Variants in SRRM3 observed in about 807,000 individuals in gnomAD.
SRRM3 encodes serine/arginine repetitive matrix 3.
In SRRM3, 27 loss-of-function variants were observed where a neutral mutation model predicts 66.2. The observed-to-expected ratio is 0.41, with a 90% CI of 0.30 to 0.56. SRRM3 has a LOEUF of 0.56. Ranked by LOEUF, SRRM3 falls within the 20% of genes least tolerant of loss-of-function variation. The pLI, the probability that SRRM3 is intolerant of heterozygous loss-of-function variation, is 0.32. For synonymous variants in SRRM3, 391 were observed against 414.9 expected, an observed-to-expected ratio of 0.94 and a Z score of 0.70; for missense variants, 918 against 991.9, an observed-to-expected ratio of 0.93 and a Z score of 1.00.
chr7:76,264,659 G>C (rs2117068610), intron 8 of SRRM3, 106 bp from the exon 9 acceptor site: 2 of 1,213,656 alleles, frequency 1.6e-6, no homozygotes, highest in East Asian at 2.4e-5. Context: ...TTAGGCCCTA[G>C]AGTGGAACAA....
At chr7:76,215,443 C>T (rs983424743) in intron 1 of SRRM3, among the ~76,000 whole-genome samples, 1 of 141,696 alleles carries the variant, frequency 7.1e-6, no homozygotes, top group African/African-American at 2.7e-5. Flanking sequence ...GCTCTGTTGC[C>T]CAGAATGGAG....
At chr7:76,232,424 T>C (rs1191656465) in intron 1 of SRRM3, among the ~76,000 whole-genome samples, 1 of 151,888 alleles carries the variant, frequency 6.6e-6, no homozygotes, top group Non-Finnish European at 1.5e-5. Context: ...ATACAAAAAT[T>C]AGCCGGGCAA....
At chr7:76,216,139 A>C (rs111831719) in intron 1 of SRRM3, among the ~76,000 whole-genome samples, 29,030 of 148,820 alleles carry the variant, frequency 0.2, 3,075 homozygotes, top group East Asian at 0.32. Context: ...ATTTTAGTAG[A>C]GATGGGGATT....
intron 11 of SRRM3, 195 bp downstream of exon 11, chr7:76,267,630 A>G: frequency 2.2e-6 from 1 of 456,962 alleles, no homozygotes; most frequent in Non-Finnish European, 3.6e-6. Context: ...CGTTGCGCCC[A>G]CCTGGCCCTG....
intron 1 of SRRM3, among the ~76,000 whole-genome samples, chr7:76,209,055 C>A (rs1800368994): frequency 6.6e-6 from 1 of 152,160 alleles, no homozygotes; most frequent in Non-Finnish European, 1.5e-5. Flanking sequence ...GCTATGATTG[C>A]ACCACTATAC....
At chr7:76,203,010 G>C (rs1800197598) in intron 1 of SRRM3, among the ~76,000 whole-genome samples, 1 of 152,342 alleles carries the variant, frequency 6.6e-6, no homozygotes, top group South Asian at 2.1e-4. Context: ...GGGGGCTTGA[G>C]CTGGTCTTTT....
In SRRM3 at chr7:76,259,946, G is replaced by A; in HGVS notation, c.376G>A (p.Gly126Ser). 3 of 1,602,016 alleles carry A rather than the reference G, an allele frequency of 1.9e-6. No individual in the cohort carries two copies. Reference protein sequence around the residue: ...TPRLTEGAEPGLEYAPFDDDD... With the variant: ...TPRLTEGAEPSLEYAPFDDDD... Reference sequence around the variant, plus strand: ...GCGGCTGACCGAGGGCGCTGAGCCGGGCCTGGAGTACGCGCCCTTTGACGA... The same window carrying A: ...GCGGCTGACCGAGGGCGCTGAGCCGAGCCTGGAGTACGCGCCCTTTGACGA... The change falls in exon 4 of 15, where the codon GGC (glycine) becomes AGC (serine). Residue 126 changes from glycine to serine, a missense_variant. Transcript: ENST00000611745.
intron 10 of SRRM3, among the ~76,000 whole-genome samples, chr7:76,265,846 A>ATTTT (rs1554609504): frequency 2.4e-4 from 2 of 8,432 alleles, no homozygotes; most frequent in African/African-American, 1.9e-3. Flanking sequence ...ATATATATAT[A>ATTTT]TATATATATA....
chr7:76,245,439 A>G (rs1563623024), intron 2 of SRRM3, among the ~76,000 whole-genome samples: 3 of 152,180 alleles, frequency 2.0e-5, no homozygotes, highest in Non-Finnish European at 4.4e-5. Context: ...ATTTTTTAAA[A>G]TAATTTTTTA....
At position 76,265,994 on chromosome 7, in the gene SRRM3, A is replaced by G. The variant is rs1212283565; in HGVS notation, c.830+526A>G. Among the ~76,000 whole-genome samples, 127 of 72,120 alleles carry G rather than the reference A, an allele frequency of 1.8e-3. 11 individuals carry two copies. Among genetic ancestry groups the G allele is most frequent in the Non-Finnish European group, 2.2e-3 (104 of 48,018 alleles). 47.3% of individuals were successfully genotyped at this position (72,120 alleles called of 152,430 possible). Reference sequence around the variant, plus strand: ...CGCTATTCTCCTGCCTCAGCCTCCCAAGTAGCTGGGACTACAGGCGCCCGC... The same window carrying G: ...CGCTATTCTCCTGCCTCAGCCTCCCGAGTAGCTGGGACTACAGGCGCCCGC... On this transcript the variant is annotated intron_variant, in intron 10 of 14. Transcript: ENST00000611745.
intron 14 of SRRM3, chr7:76,283,780 A>C: frequency 1.0e-6 from 1 of 985,426 alleles, no homozygotes; most frequent in African/African-American, 1.7e-5. Flanking sequence ...TGGCTGGTGA[A>C]GCCATTATCA....
chr7:76,275,797 G>A (rs566244317), intron 11 of SRRM3, among the ~76,000 whole-genome samples: 7 of 152,260 alleles, frequency 4.6e-5, no homozygotes, highest in African/African-American at 1.7e-4. Flanking sequence ...CCCAAAGGTT[G>A]GGCCCAGTGG....
In SRRM3 at chr7:76,261,392, G is replaced by T. The variant is rs782735648; in HGVS notation, c.616G>T (p.Val206Leu). 1.8e-5 allele frequency: 29 copies of T among 1,604,938 alleles called. No individual in the cohort carries two copies. The Middle Eastern group carries it at 9.9e-4, about 55-fold the overall frequency. Residue 206 changes from valine to leucine, a missense_variant, in exon 7 of 15, where the codon GTG becomes TTG. Physicochemically the swap from Val to Leu is conservative, Grantham distance 32 (BLOSUM62 1). Coordinates refer to ENST00000611745, the MANE Select transcript of SRRM3 (RefSeq NM_001110199.3). The stretch of plus-strand genomic sequence containing the variant: ...ACCCCTCCGCAAGAAGAAGAAGAGT[G>T]TGAAGAAGCATCGCCGAGACAGGTA... ...SSPLRKKKKS[V>L]KKHRRDRSDS...
At chr7:76,260,335 G>A (rs10257114) in intron 5 of SRRM3, 138 bp downstream of exon 5, 1 of 513,124 alleles carries the variant, frequency 1.9e-6, no homozygotes, top group Non-Finnish European at 2.8e-6. Context: ...TCCCCGTGCC[G>A]TCCCCCGACT....
chr7:76,270,581 G>A (rs782670611), intron 11 of SRRM3, among the ~76,000 whole-genome samples: 29 of 152,104 alleles, frequency 1.9e-4, no homozygotes, highest in Non-Finnish European at 3.1e-4. Context: ...GGAGGCTGAG[G>A]TGGGCAGATC....
chr7:76,257,478 T>C (rs921630163), intron 3 of SRRM3, among the ~76,000 whole-genome samples: 24 of 144,502 alleles, frequency 1.7e-4, no homozygotes, highest in Admixed American at 4.9e-4. Context: ...AGGCCAGGCA[T>C]GGTGGCTCAC....
At chr7:76,264,732 C>G in intron 8 of SRRM3, 33 bp from the exon 9 acceptor site, 1 of 1,612,904 alleles carries the variant, frequency 6.2e-7, no homozygotes, top group Non-Finnish European at 8.5e-7. Flanking sequence ...CCTCCCCGGG[C>G]CACACCATCA....
chr7:76,262,516 G>GAAAAAAA (rs782055282), intron 8 of SRRM3, among the ~76,000 whole-genome samples: 2 of 92,758 alleles, frequency 2.2e-5, no homozygotes, highest in Non-Finnish European at 2.1e-5. Flanking sequence ...CTCTGTCTCA[G>GAAAAAAA]AAAAAAAAAA....
At chr7:76,262,075 G>T (rs1801887910) in intron 8 of SRRM3, among the ~76,000 whole-genome samples, 1 of 152,014 alleles carries the variant, frequency 6.6e-6, no homozygotes, top group African/African-American at 2.4e-5. Flanking sequence ...ACCCAGGAGG[G>T]CTGGGGGTTA....
Sources: gnomAD v4.1 joint callset for allele counts (sites outside exome capture counted in the v4.1 genomes callset) on GRCh38, gnomAD v4.1.1 for gene constraint, MANE v1.5 for transcripts, NCBI Gene and HGNC (gene_info 2026-07-23, HGNC 2026-07-21) for gene names.